SIRPA: variants seen among roughly 807,000 people sequenced by gnomAD.
The protein encoded by SIRPA is tyrosine-protein phosphatase non-receptor type substrate 1.
In SIRPA, 9 loss-of-function variants were observed where a neutral mutation model predicts 50.3. The observed-to-expected ratio is 0.18, with a 90% CI of 0.11 to 0.31. SIRPA has a LOEUF of 0.31. SIRPA is among the 10% of genes least tolerant of loss of function. SIRPA has a pLI of 1.00. For synonymous variants in SIRPA, 265 were observed against 284.1 expected, an observed-to-expected ratio of 0.93 and a Z score of 0.68; for missense variants, 474 against 661.6, an observed-to-expected ratio of 0.72 and a Z score of 3.11.
At chr20:1,896,820 T>C (rs1983862025) in intron 1 of SIRPA, among the ~76,000 whole-genome samples, 1 of 130,534 alleles carries the variant, frequency 7.7e-6, no homozygotes, top group South Asian at 2.8e-4. Context: ...TATAGTTGCG[T>C]CCTTGCTGGG....
rs561629973 is a variant in SIRPA, at chr20:1,924,741, C to G, written c.1088-23C>G. 3 of 1,590,470 alleles carry G rather than the reference C, an allele frequency of 1.9e-6. No homozygotes were observed. Among genetic ancestry groups the G allele is most frequent in the South Asian group, 1.1e-5 (1 of 90,562 alleles). ...CTGTTTTTAATCTGCATACGTGAAG[C>G]CTCTATTCCATGTGGTCCCTAGAGA... On this transcript the variant is annotated intron_variant, in intron 4 of 7. Coordinates refer to ENST00000358771, the MANE Select transcript of SIRPA (RefSeq NM_001040023.2). The surrounding 1 kb of genome is among the most constrained non-coding windows in gnomAD (Gnocchi z 4.5).
chr20:1,919,245 A>G (rs895271740), intron 2 of SIRPA, among the ~76,000 whole-genome samples: 1 of 152,254 alleles, frequency 6.6e-6, no homozygotes, highest in Admixed American at 6.5e-5. Context: ...CCACCACAGA[A>G]ATGCCTCTTC....
At chr20:1,916,046 T>C (rs1454854239) in intron 2 of SIRPA, among the ~76,000 whole-genome samples, 1 of 152,162 alleles carries the variant, frequency 6.6e-6, no homozygotes, top group Non-Finnish European at 1.5e-5. Flanking sequence ...AGCCAGAGGG[T>C]TGGGCATTTT....
At chr20:1,912,454 T>A (rs929735246) in intron 1 of SIRPA, among the ~76,000 whole-genome samples, 2 of 152,242 alleles carry the variant, frequency 1.3e-5, no homozygotes, top group Non-Finnish European at 2.9e-5. Context: ...AACGACATCC[T>A]TCCTTCCTTC....
chr20:1,928,483 C>A lies in SIRPA; in HGVS notation c.1226+584C>A, dbSNP rs981571735. 2.6e-5 allele frequency among the ~76,000 whole-genome samples: 4 copies of A among 152,290 alleles called. No individual in the cohort carries two copies. The highest frequency in any genetic ancestry group is 5.9e-5 in the Non-Finnish European group (4 of 68,028). ...ATGTGCCAGCCCTGCTCAGGACCAG[C>A]TGGTGATATAGCAGTAAACAAGAAT... On this transcript the variant is annotated intron_variant, in intron 6 of 7. Transcript: ENST00000358771. This position sits in a 1 kb window ranked among gnomAD's most constrained non-coding sequence, Gnocchi z 4.9.
At chr20:1,908,569 C>T (rs1024196425) in intron 1 of SIRPA, among the ~76,000 whole-genome samples, 10 of 152,128 alleles carry the variant, frequency 6.6e-5, no homozygotes, top group South Asian at 6.2e-4. Context: ...ACACAGGCAC[C>T]GTCTCTTTCA....
At position 1,927,810 on chromosome 20, in the gene SIRPA, A is replaced by C; in HGVS notation, c.1202-65A>C. 6.6e-7 allele frequency: 1 copy of C among 1,525,160 alleles called. No individual in the cohort carries two copies. Among genetic ancestry groups the C allele is most frequent in the Non-Finnish European group, 9.1e-7 (1 of 1,098,926 alleles). The allele number at this position is 1,525,160 out of a possible 1,614,324, so 94.5% of individuals were successfully genotyped here. ...CCTGGAGGCAAACCTTTTGCCAAAA[A>C]ATAGTTACATAAGAAAAGTGTGCTT... On this transcript the variant is annotated intron_variant, in intron 5 of 7. Transcript: ENST00000358771. This position sits in a 1 kb window ranked among gnomAD's most constrained non-coding sequence, Gnocchi z 6.5.
At chr20:1,923,022 G>C (rs7266627) in intron 4 of SIRPA, among the ~76,000 whole-genome samples, 31,944 of 97,298 alleles carry the variant, frequency 0.33, 3,978 homozygotes, top group East Asian at 0.49. Context: ...CTCCCTGGCT[G>C]CCATTGGGAG....
In SIRPA at chr20:1,921,621, C is replaced by G. The variant is rs754015483; in HGVS notation, c.663C>G (p.Asp221Glu). 3.1e-6 allele frequency: 5 copies of G among 1,614,188 alleles called. No individual in the cohort carries two copies. The highest frequency in any genetic ancestry group is 4.2e-6 in the Non-Finnish European group (5 of 1,180,030). The change falls in exon 3 of 8, where the codon GAC becomes GAG. Residue 221 changes from aspartate to glutamate, a missense_variant. Asp to Glu is a conservative substitution (Grantham distance 45). Coordinates refer to ENST00000358771, the MANE Select transcript of SIRPA (RefSeq NM_001040023.2). ...STAKVVLTRE[D>E]VHSQVICEVA... ...CCAAGGTGGTGCTGACCCGCGAGGA[C>G]GTTCACTCTCAAGTCATCTGCGAGG... is the stretch of plus-strand genomic sequence containing the variant.
chr20:1,915,331 T>C lies in SIRPA; in HGVS notation c.312T>C (p.Phe104=), dbSNP rs1180872335. ...TCACAAAGAGAAACAACATGGACTT[T>C]TCCATCCGCATCGGTAACATCACCC... is the stretch of plus-strand genomic sequence containing the variant. The part of the protein sequence containing the change: ...SDLTKRNNMD[F]SIRIGNITPA... Residue 104 remains phenylalanine (F), a synonymous_variant, in exon 2 of 8, where the codon TTT becomes TTC. Coordinates refer to ENST00000358771, the MANE Select transcript of SIRPA (RefSeq NM_001040023.2). 1.2e-6 allele frequency: 2 copies of C among 1,613,052 alleles called. No individual in the cohort carries two copies. The highest frequency in any genetic ancestry group is 2.7e-5 in the African/African-American group (2 of 74,804).
chr20:1,927,227 A>G lies in SIRPA; in HGVS notation c.1202-648A>G, dbSNP rs114011412. On this transcript the variant is annotated intron_variant, in intron 5 of 7. Transcript: ENST00000358771. This position sits in a 1 kb window ranked among gnomAD's most constrained non-coding sequence, Gnocchi z 6.5. Reference sequence around the variant, plus strand: ...TTTTTAATTACAATTTTACAGCAAAATGGGAGTCAAACGGCTGCTGAACCC... The same window carrying G: ...TTTTTAATTACAATTTTACAGCAAAGTGGGAGTCAAACGGCTGCTGAACCC... 0.013 allele frequency among the ~76,000 whole-genome samples: 1,975 copies of G among 152,232 alleles called. 45 individuals are homozygous for G. The highest frequency in any genetic ancestry group is 0.045 in the African/African-American group (1,873 of 41,530).
rs528152276 is a variant in SIRPA, at chr20:1,936,787, C to T, written c.1267-533C>T. Among the ~76,000 whole-genome samples the T allele has an allele frequency of 6.6e-6, 1 of 152,212 alleles. No individual in the cohort carries two copies. Among genetic ancestry groups the T allele is most frequent in the African/African-American group, 2.4e-5 (1 of 41,448 alleles). ...CCACCATCAGCAGCACCTCCTCAGG[C>T]CCCCAAACAGACATGGTCCTGGGTA... On this transcript the variant is annotated intron_variant, in intron 7 of 7. Coordinates refer to ENST00000358771, the MANE Select transcript of SIRPA (RefSeq NM_001040023.2). This position sits in a 1 kb window ranked among gnomAD's most constrained non-coding sequence, Gnocchi z 4.2.
intron 1 of SIRPA, among the ~76,000 whole-genome samples, chr20:1,910,173 A>C (rs1346137262): frequency 2.0e-5 from 3 of 152,204 alleles, no homozygotes; most frequent in African/African-American, 7.2e-5. Context: ...GGCCAGGGAC[A>C]CAGCCATTTC....
chr20:1,907,855 C>T (rs957713975), intron 1 of SIRPA, among the ~76,000 whole-genome samples: 1 of 152,178 alleles, frequency 6.6e-6, no homozygotes, highest in African/African-American at 2.4e-5. Flanking sequence ...TGTTGGAGCC[C>T]CAAGCTCTCT....
chr20:1,911,961 A>C (rs972629322), intron 1 of SIRPA, among the ~76,000 whole-genome samples: 2 of 151,068 alleles, frequency 1.3e-5, no homozygotes, highest in African/African-American at 2.4e-5. Flanking sequence ...AAAAAAAAAA[A>C]CCCCTCTCTA....
At position 1,927,966 on chromosome 20, in the gene SIRPA, A is replaced by G; in HGVS notation, c.1226+67A>G. Reference sequence around the variant, plus strand: ...TGGTTATTTGACAGCCCCCCAGACTACAAAGCATAATCCATGTCCACTGAC... The same window carrying G: ...TGGTTATTTGACAGCCCCCCAGACTGCAAAGCATAATCCATGTCCACTGAC... On this transcript the variant is annotated intron_variant, in intron 6 of 7. Coordinates refer to ENST00000358771, the MANE Select transcript of SIRPA (RefSeq NM_001040023.2). The surrounding 1 kb of genome is among the most constrained non-coding windows in gnomAD (Gnocchi z 6.5). 11 of 1,356,162 alleles carry G rather than the reference A, an allele frequency of 8.1e-6. No individual in the cohort carries two copies. Among genetic ancestry groups the G allele is most frequent in the African/African-American group, 1.4e-5 (1 of 69,966 alleles). 84.0% of individuals were successfully genotyped at this position (1,356,162 alleles called of 1,614,324 possible).
In SIRPA at chr20:1,930,813, C is replaced by T. The variant is rs377075280; in HGVS notation, c.1226+2914C>T. ...CCTTGTTGGTCAGGCTGGTCTTGAACTCCCGACCTCAGGTAATCCACCTGC... is the reference window on the plus strand; with the variant it reads ...CCTTGTTGGTCAGGCTGGTCTTGAATTCCCGACCTCAGGTAATCCACCTGC... On this transcript the variant is annotated intron_variant, in intron 6 of 7. Coordinates refer to ENST00000358771, the MANE Select transcript of SIRPA (RefSeq NM_001040023.2). 2.2e-4 allele frequency among the ~76,000 whole-genome samples: 33 copies of T among 152,284 alleles called. No homozygotes were observed. In the East Asian group the frequency reaches 5.4e-3, roughly 25 times the overall value.
At chr20:1,903,852 G>A (rs1466143558) in intron 1 of SIRPA, among the ~76,000 whole-genome samples, 1 of 152,154 alleles carries the variant, frequency 6.6e-6, no homozygotes, top group African/African-American at 2.4e-5. Flanking sequence ...GTTGCCTAGT[G>A]CTCCTAGCCC....
chr20:1,928,007 G>C lies in SIRPA; in HGVS notation c.1226+108G>C, dbSNP rs2122151743. On this transcript the variant is annotated intron_variant, in intron 6 of 7. Coordinates refer to ENST00000358771, the MANE Select transcript of SIRPA (RefSeq NM_001040023.2). The surrounding 1 kb of genome is among the most constrained non-coding windows in gnomAD (Gnocchi z 4.9). ...GTCCACTGACCTCACCAATGTGTTGGTCAACATGTCTCTTTCTCTCCTTTG... is the reference window on the plus strand; with the variant it reads ...GTCCACTGACCTCACCAATGTGTTGCTCAACATGTCTCTTTCTCTCCTTTG... 1.1e-6 allele frequency: 1 copy of C among 907,726 alleles called. No homozygotes were observed. Among genetic ancestry groups the C allele is most frequent in the Non-Finnish European group, 1.9e-6 (1 of 538,862 alleles). 56.2% of individuals were successfully genotyped at this position (907,726 alleles called of 1,614,324 possible).
Sources: allele counts gnomAD v4.1 joint callset (sites outside exome capture counted in the v4.1 genomes callset), GRCh38; gene constraint gnomAD v4.1.1; non-coding constraint Gnocchi (gnomAD v3.1); transcripts MANE v1.5; gene names NCBI Gene and HGNC (gene_info 2026-07-23, HGNC 2026-07-21).